Variants in TBXAS1 observed in about 807,000 individuals in gnomAD.
TBXAS1 encodes the protein thromboxane A synthase 1.
TBXAS1 carries 48 observed loss-of-function variants against 60.7 expected under a neutral mutation model. The observed-to-expected ratio is 0.79, with a 90% confidence interval of 0.63 to 1.01. TBXAS1 has a LOEUF of 1.01. Among genes scored for constraint, TBXAS1 ranks in the 50% least tolerant of loss-of-function variants. The pLI is 0.00. For synonymous variants in TBXAS1, 287 were observed against 269.7 expected (o/e 1.06, Z -0.63); for missense variants, 685 against 686.3 (o/e 1.00, Z 0.02).
chr7:139,929,413 T>C (rs1021777647), intron 4 of TBXAS1, among the ~76,000 whole-genome samples: 1 of 152,082 alleles, frequency 6.6e-6, no homozygotes, highest in Admixed American at 6.6e-5. Context: ...AATTTAGTGA[T>C]GGAGTGGGTG....
At chr7:139,842,354 G>A (rs527941688) in intron 1 of TBXAS1, among the ~76,000 whole-genome samples, 40 of 152,162 alleles carry the variant, frequency 2.6e-4, no homozygotes, top group African/African-American at 9.2e-4. Context: ...ATGCCTTCCC[G>A]GGAAGGAAGT....
chr7:139,955,517 G>T lies in TBXAS1; in HGVS notation c.598G>T (p.Asp200Tyr). Residue 200 changes from aspartate (D) to tyrosine (Y), a missense_variant, in exon 7 of 13, where the codon GAC becomes TAC. Physicochemically the swap from Asp to Tyr is radical, Grantham distance 160. Coordinates refer to ENST00000448866, the MANE Select transcript of TBXAS1 (RefSeq NM_001061.7). ...CAGCGTCGCCTTTGGCACCCCGGTG[G>T]ACTCCTGGCAGGCCCCTGAGGATCC... ...VASVAFGTPV[D>Y]SWQAPEDPFV... 1 of 1,614,230 alleles carries T rather than the reference G, an allele frequency of 6.2e-7. No individual in the cohort carries two copies.
chr7:139,954,630 T>A (rs1296756169), intron 6 of TBXAS1, among the ~76,000 whole-genome samples: 1 of 152,254 alleles, frequency 6.6e-6, no homozygotes, highest in Non-Finnish European at 1.5e-5. Flanking sequence ...TATAAAAAGA[T>A]ATTAATAACC....
chr7:139,976,756 T>G (rs1403114497), intron 9 of TBXAS1, among the ~76,000 whole-genome samples: 1 of 152,182 alleles, frequency 6.6e-6, no homozygotes. Context: ...GATTCTAAAA[T>G]GCAGCCAGGA....
intron 9 of TBXAS1, among the ~76,000 whole-genome samples, chr7:139,979,612 G>C (rs1416043410): frequency 1.3e-5 from 2 of 151,872 alleles, no homozygotes; most frequent in Admixed American, 6.6e-5. Context: ...TGTAGTCCCA[G>C]CTACTCAGGA....
intron 4 of TBXAS1, among the ~76,000 whole-genome samples, chr7:139,922,504 G>C (rs1806563149): frequency 6.6e-6 from 1 of 151,974 alleles, no homozygotes. Context: ...TAAGGTGTTT[G>C]ACTTTTTCTG....
chr7:139,942,368 A>C (rs1287824051), intron 5 of TBXAS1, among the ~76,000 whole-genome samples: 1 of 152,226 alleles, frequency 6.6e-6, no homozygotes. Flanking sequence ...TTTCAAAAGG[A>C]GAGAACGTGG....
intron 9 of TBXAS1, among the ~76,000 whole-genome samples, chr7:140,003,915 G>A (rs1482031842): frequency 6.6e-6 from 1 of 152,206 alleles, no homozygotes; most frequent in Non-Finnish European, 1.5e-5. Flanking sequence ...TACCTGCCAG[G>A]AGCAGATGGC....
chr7:139,795,341 C>T (rs1230375662), intron 4 of TBXAS1, among the ~76,000 whole-genome samples: 35 of 106,866 alleles, frequency 3.3e-4, no homozygotes, highest in East Asian at 2.0e-3. Context: ...TCATGTCCTT[C>T]GCCCACTTTT....
rs1297548199 is a variant in TBXAS1 at position 140,014,665 on chromosome 7, T to G, written c.1227-1058T>G. Among the ~76,000 whole-genome samples, 4 of 152,166 alleles carry G rather than the reference T, an allele frequency of 2.6e-5. No individual in the cohort carries two copies. In the East Asian group the frequency reaches 7.7e-4, roughly 29 times the overall value. On this transcript the variant is annotated intron_variant, in intron 10 of 12. Coordinates refer to ENST00000448866, the MANE Select transcript of TBXAS1 (RefSeq NM_001061.7). Reference sequence around the variant, plus strand: ...TGGCTCATGCCTGTAATCCCAGCACTTTGGGAGGCCGAGGCAGGGGATCAC... The same window carrying G: ...TGGCTCATGCCTGTAATCCCAGCACGTTGGGAGGCCGAGGCAGGGGATCAC...
In TBXAS1 at chr7:139,936,299, C is replaced by T; in HGVS notation, c.442C>T (p.Leu148=). Residue 148 remains leucine (L), a synonymous_variant, in exon 5 of 13, where the codon CTG becomes TTG. Coordinates refer to ENST00000448866, the MANE Select transcript of TBXAS1 (RefSeq NM_001061.7). ...GATGTCTGCTTTCAGTCCTGAAAAG[C>T]TGAACGAGGTAAGACATGAGAAATG... The part of the protein sequence containing the change: ...ALMSAFSPEK[L]NEMVPLISQA... 1 of 1,614,146 alleles carries T rather than the reference C, an allele frequency of 6.2e-7. No individual in the cohort carries two copies. The highest frequency in any genetic ancestry group is 8.5e-7 in the Non-Finnish European group (1 of 1,179,992).
intron 1 of TBXAS1, among the ~76,000 whole-genome samples, chr7:139,834,270 A>G (rs530848718): frequency 6.6e-6 from 1 of 152,366 alleles, no homozygotes; most frequent in Admixed American, 6.5e-5. Flanking sequence ...ACTGAATGAC[A>G]ATAATGACAA....
intron 9 of TBXAS1, among the ~76,000 whole-genome samples, chr7:139,972,940 G>T (rs2267701): frequency 6.6e-6 from 1 of 151,976 alleles, no homozygotes; most frequent in East Asian, 1.9e-4. Context: ...ACAGATTTGA[G>T]GGGGGACGAG....
intron 1 of TBXAS1, among the ~76,000 whole-genome samples, chr7:139,864,176 G>T (rs1009671817): frequency 1.3e-5 from 2 of 149,512 alleles, no homozygotes; most frequent in Non-Finnish European, 3.0e-5. Context: ...GGAAATCAAA[G>T]AAATTCCACA....
chr7:139,935,499 C>T (rs897881422), intron 4 of TBXAS1, among the ~76,000 whole-genome samples: 9 of 152,002 alleles, frequency 5.9e-5, no homozygotes, highest in Non-Finnish European at 8.8e-5. Flanking sequence ...AGTCACATTC[C>T]GAGGTTCTTG....
chr7:139,983,048 A>G (rs1028839701), intron 9 of TBXAS1, among the ~76,000 whole-genome samples: 1 of 152,212 alleles, frequency 6.6e-6, no homozygotes, highest in African/African-American at 2.4e-5. Flanking sequence ...TTACTTGTAT[A>G]CTATTTCCTT....
rs116684496 is a variant in TBXAS1, at chr7:140,012,395, T to C, written c.1227-3328T>C. Among the ~76,000 whole-genome samples, 850 of 152,064 alleles carry C rather than the reference T, an allele frequency of 5.6e-3. 10 individuals are homozygous for C. Among genetic ancestry groups the C allele is most frequent in the African/African-American group, 0.019 (798 of 41,498 alleles). On this transcript the variant is annotated intron_variant, in intron 10 of 12. Coordinates refer to ENST00000448866, the MANE Select transcript of TBXAS1 (RefSeq NM_001061.7). ...AGGTGATAAAGAGAAGCTGGGGCTG[T>C]AATTCTGCCCTCGTCCTAAAAGGCT... is the stretch of plus-strand genomic sequence containing the variant.
At chr7:139,863,086 T>A (rs1381852727) in intron 1 of TBXAS1, among the ~76,000 whole-genome samples, 1 of 152,204 alleles carries the variant, frequency 6.6e-6, no homozygotes, top group African/African-American at 2.4e-5. Context: ...TTTATTTCTA[T>A]CCTTATGTGA....
At chr7:139,996,825 T>C (rs1569523835) in intron 9 of TBXAS1, among the ~76,000 whole-genome samples, 1 of 152,228 alleles carries the variant, frequency 6.6e-6, no homozygotes, top group East Asian at 1.9e-4. Flanking sequence ...CCAGCATCAA[T>C]AGGGAACAGC....
Sources: gnomAD v4.1 joint callset for allele counts (sites outside exome capture counted in the v4.1 genomes callset) on GRCh38, gnomAD v4.1.1 for gene constraint, MANE v1.5 for transcripts, NCBI Gene and HGNC (gene_info 2026-07-23, HGNC 2026-07-21) for gene names.